P2RX1: variants seen among roughly 807,000 people sequenced by gnomAD.
The protein encoded by P2RX1 is purinergic receptor P2X 1, also known as P2X purinoceptor 1.
In P2RX1, 42 loss-of-function variants were observed where a neutral mutation model predicts 50.3. The ratio of observed to expected loss-of-function variants is 0.83; its 90% CI spans 0.65 to 1.08. The LOEUF is 1.08. P2RX1 is among the 50% of genes least tolerant of loss of function. The pLI, the probability that P2RX1 is intolerant of heterozygous loss-of-function variation, is 0.00. For missense variants in P2RX1, 449 were observed against 529.0 expected (o/e 0.85, Z 1.48); for synonymous variants, 199 against 202.6 (o/e 0.98, Z 0.15).
intron 1 of P2RX1, 94 bp from the exon 2 acceptor site, chr17:3,905,461 C>A: frequency 7.2e-7 from 1 of 1,393,822 alleles, no homozygotes; most frequent in Non-Finnish European, 1.0e-6. Context: ...TGCCTCTGAG[C>A]CACCATCTGC....
In P2RX1 at chr17:3,903,978, C is replaced by T. The variant is rs143091897; in HGVS notation, c.474G>A (p.Thr158=). 2.0e-5 allele frequency: 32 copies of T among 1,614,136 alleles called. No individual in the cohort carries two copies. The highest frequency in any genetic ancestry group is 7.7e-5 in the South Asian group (7 of 91,088). Residue 158 remains threonine, a synonymous_variant, in exon 5 of 12, where the codon ACG becomes ACA. Transcript: ENST00000225538. The surrounding 1 kb of genome is among the most constrained non-coding windows in gnomAD (Gnocchi z 4.6). ...CGGGGCACCAGCCAAAGATCTCACACGTCTTCACAGTGTCGTTGAAGGCCA... is the reference window on the plus strand; with the variant it reads ...CGGGGCACCAGCCAAAGATCTCACATGTCTTCACAGTGTCGTTGAAGGCCA... ...KCVAFNDTVK[T]CEIFGWCPVE...
intron 1 of P2RX1, 37 bp downstream of exon 1, chr17:3,916,052 G>T (rs1237344492): frequency 6.2e-7 from 1 of 1,612,018 alleles, no homozygotes; most frequent in Admixed American, 1.7e-5. Flanking sequence ...GCCCGGGGTA[G>T]GGGCTGGTGC....
At chr17:3,904,655 C>G in intron 3 of P2RX1, 1 of 629,718 alleles carries the variant, frequency 1.6e-6, no homozygotes, top group Non-Finnish European at 2.8e-6. Flanking sequence ...CGGCACCCTG[C>G]CTGGTACACC....
At position 3,916,201 on chromosome 17, in the gene P2RX1, GCTC is replaced by G. The variant is rs2052406813; in HGVS notation, c.22_24del (p.Glu8del). Reference sequence around the variant, plus strand: ...TCATACTCGAAGAGGAAGGCGGCCAGCTCCTCCTGGAACCGCCGTGCCATGGTG... The same window carrying G: ...TCATACTCGAAGAGGAAGGCGGCCAGCTCCTGGAACCGCCGTGCCATGGTG... On this transcript the variant is annotated inframe_deletion, in exon 1 of 12. Coordinates refer to ENST00000225538, the MANE Select transcript of P2RX1 (RefSeq NM_002558.4). 1.2e-5 allele frequency: 19 copies of G among 1,612,730 alleles called. No homozygotes were observed. Among genetic ancestry groups the G allele is most frequent in the African/African-American group, 4.0e-5 (3 of 74,938 alleles).
chr17:3,906,752 G>A (rs150419540), intron 1 of P2RX1, among the ~76,000 whole-genome samples: 3 of 152,192 alleles, frequency 2.0e-5, no homozygotes, highest in Admixed American at 6.5e-5. Flanking sequence ...AGTCTGGAAG[G>A]TTCCATGAGG....
intron 1 of P2RX1, chr17:3,915,247 C>G (rs1236905943): frequency 5.6e-6 from 2 of 359,120 alleles, no homozygotes; most frequent in Admixed American, 7.5e-5. Context: ...GGGACACACA[C>G]TGGCCACCCA....
chr17:3,905,013 G>A (rs2144018389), intron 2 of P2RX1, 84 bp from the exon 3 acceptor site: 1 of 1,180,618 alleles, frequency 8.5e-7, no homozygotes, highest in Non-Finnish European at 1.2e-6. Flanking sequence ...CCCCAGCAGA[G>A]GCCCCTAGAG....
At position 3,897,695 on chromosome 17, in the gene P2RX1, T is replaced by G. The variant is rs2056055966; in HGVS notation, c.*119A>C. The G allele has an allele frequency of 3.4e-6, 3 of 892,886 alleles. No individual in the cohort carries two copies. Among genetic ancestry groups the G allele is most frequent in the Non-Finnish European group, 5.4e-6 (3 of 558,400 alleles). 55.3% of individuals were successfully genotyped at this position (892,886 alleles called of 1,614,324 possible). On this transcript the variant is annotated 3_prime_UTR_variant, in exon 12 of 12. Transcript: ENST00000225538. ...ACCCTGAGCTTCTGGCAAACTGCTC[T>G]CTGCCTGGCTGAGAGGGTAGGAGAC... is the stretch of plus-strand genomic sequence containing the variant.
chr17:3,904,980 G>T (rs370666258), intron 2 of P2RX1, 51 bp from the exon 3 acceptor site: 1 of 1,290,726 alleles, frequency 7.7e-7, no homozygotes, highest in East Asian at 2.4e-5. Context: ...GCTGGGAGAA[G>T]AGCCCCAAGG....
At chr17:3,905,474 C>A in intron 1 of P2RX1, 107 bp from the exon 2 acceptor site, 1 of 1,296,958 alleles carries the variant, frequency 7.7e-7, no homozygotes, top group Non-Finnish European at 1.1e-6. Context: ...CCATCTGCTC[C>A]TAAAGCTCCT....
intron 1 of P2RX1, among the ~76,000 whole-genome samples, chr17:3,913,459 G>T (rs1051962777): frequency 6.6e-6 from 1 of 152,138 alleles, no homozygotes; most frequent in African/African-American, 2.4e-5. Context: ...GATCTGAGAG[G>T]GTCAGCTCAG....
intron 7 of P2RX1, among the ~76,000 whole-genome samples, chr17:3,900,062 C>A (rs559715423): frequency 1.3e-5 from 2 of 152,092 alleles, no homozygotes; most frequent in Non-Finnish European, 2.9e-5. Flanking sequence ...GATCCCACCA[C>A]TGCACTCTAG....
At chr17:3,912,282 C>T (rs910889291) in intron 1 of P2RX1, among the ~76,000 whole-genome samples, 5 of 152,160 alleles carry the variant, frequency 3.3e-5, no homozygotes, top group Admixed American at 6.5e-5. Context: ...CATAAACCAC[C>T]GGATACCCCC....
intron 8 of P2RX1, among the ~76,000 whole-genome samples, chr17:3,899,423 C>T (rs58384290): frequency 0.056 from 8,491 of 150,520 alleles, 817 homozygotes; most frequent in African/African-American, 0.2. Flanking sequence ...CCAGGTGGGC[C>T]TGAAGGGGTC....
Position 3,916,362 on chromosome 17 carries a change from TGGAGCCAGAGGACA to T in P2RX1, c.-151_-138del, listed in dbSNP as rs1384983387. On this transcript the variant is annotated 5_prime_UTR_variant, in exon 1 of 12. Transcript: ENST00000225538. ...CTTAGGAAGAGCAGGGCGGTGCAGG[TGGAGCCAGAGGACA>T]GGAGCCAGAGGTCAGCTGGAGGCAC... is the stretch of plus-strand genomic sequence containing the variant. 4 of 989,230 alleles carry T rather than the reference TGGAGCCAGAGGACA, an allele frequency of 4.0e-6. No individual in the cohort carries two copies. Among genetic ancestry groups the T allele is most frequent in the African/African-American group, 3.2e-5 (2 of 61,704 alleles). The allele number at this position is 989,230 out of a possible 1,614,324, so 61.3% of individuals were successfully genotyped here.
intron 7 of P2RX1, among the ~76,000 whole-genome samples, chr17:3,901,315 C>T (rs1339280667): frequency 6.6e-6 from 1 of 152,262 alleles, no homozygotes; most frequent in Non-Finnish European, 1.5e-5. Context: ...GATCCGCCCG[C>T]CTTGGCCTCC....
rs1167791727 is a variant in P2RX1 at position 3,915,875 on chromosome 17, G to A, written c.137+214C>T. On this transcript the variant is annotated intron_variant, in intron 1 of 11. Transcript: ENST00000225538. ...CCAGAGACTCTGCCTCCTGTTCACC[G>A]AAGGCCCCCGGGCAGGGCTTCCCCT... 11 of 694,520 alleles carry A rather than the reference G, an allele frequency of 1.6e-5. 1 individual carries two copies. In the East Asian group the frequency reaches 2.0e-4, roughly 12 times the overall value. 43.0% of individuals were successfully genotyped at this position (694,520 alleles called of 1,614,324 possible). A position where few individuals can be genotyped will look rare whatever the true frequency, so the allele number is the denominator to read the frequency against.
At chr17:3,902,218 C>A (rs186736361) in intron 7 of P2RX1, among the ~76,000 whole-genome samples, 2,027 of 152,174 alleles carry the variant, frequency 0.013, 45 homozygotes, top group African/African-American at 0.047. Flanking sequence ...CTCCGCCTCC[C>A]GGGTTCAAGC....
rs1305195907 is a variant in P2RX1 at position 3,905,299 on chromosome 17, A to C, written c.206T>G (p.Leu69Arg). 2 of 1,613,952 alleles carry C rather than the reference A, an allele frequency of 1.2e-6. No individual in the cohort carries two copies. Among genetic ancestry groups the C allele is most frequent in the Non-Finnish European group, 1.7e-6 (2 of 1,180,006 alleles). The part of the protein sequence containing the change: ...SGLISSVSVK[L>R]KGLAVTQLPG... ...GAGCTGGGTCACGGCCAGGCCCTTGAGTTTCACAGAGACACTGCTGATGAG... is the reference window on the plus strand; with the variant it reads ...GAGCTGGGTCACGGCCAGGCCCTTGCGTTTCACAGAGACACTGCTGATGAG... Residue 69 changes from leucine to arginine, a missense_variant, in exon 2 of 12, where the codon CTC (leucine) becomes CGC (arginine). Leu to Arg is a moderately radical substitution (Grantham distance 102). Coordinates refer to ENST00000225538, the MANE Select transcript of P2RX1 (RefSeq NM_002558.4).
Sources: allele counts gnomAD v4.1 joint callset (sites outside exome capture counted in the v4.1 genomes callset), GRCh38; gene constraint gnomAD v4.1.1; non-coding constraint Gnocchi (gnomAD v3.1); transcripts MANE v1.5; gene names NCBI Gene and HGNC (gene_info 2026-07-23, HGNC 2026-07-21).